Variants in EPS8 observed in about 807,000 individuals in gnomAD.
EPS8 encodes EGFR pathway substrate 8, signaling adaptor.
EPS8 carries 42 observed loss-of-function variants against 103.8 expected under a neutral mutation model. The observed-to-expected ratio is 0.40, with a 90% CI of 0.32 to 0.52. EPS8 has a LOEUF of 0.52. Among genes scored for constraint, EPS8 ranks in the 20% least tolerant of loss-of-function variants. EPS8 has a pLI of 0.40. For synonymous variants in EPS8, 344 were observed against 344.6 expected, an observed-to-expected ratio of 1.00 and a Z score of 0.02; for missense variants, 969 against 1,005.1, an observed-to-expected ratio of 0.96 and a Z score of 0.49.
chr12:15,655,493 T>C (rs912430862), intron 12 of EPS8, among the ~76,000 whole-genome samples: 1 of 152,184 alleles, frequency 6.6e-6, no homozygotes, highest in African/African-American at 2.4e-5. Flanking sequence ...ACAGTGGTAC[T>C]GGAATGAATG....
rs1036740660 is a variant in EPS8, at chr12:15,745,659, G to C, written c.-22+43502C>G. Among the ~76,000 whole-genome samples the C allele has an allele frequency of 6.6e-6, 1 of 151,836 alleles. No homozygotes were observed. Among genetic ancestry groups the C allele is most frequent in the African/African-American group, 2.4e-5 (1 of 41,308 alleles). On this transcript the variant is annotated intron_variant, in intron 1 of 20. Transcript: ENST00000281172. This position sits in a 1 kb window ranked among gnomAD's most constrained non-coding sequence, Gnocchi z 4.6. ...GCTAGCAAAATATAGACCTCCCATT[G>C]TTCACTTTCAAATCCTTGGAAATAC... is the stretch of plus-strand genomic sequence containing the variant.
chr12:15,708,182 C>T (rs1164939746), intron 1 of EPS8, among the ~76,000 whole-genome samples: 5 of 152,176 alleles, frequency 3.3e-5, no homozygotes, highest in Non-Finnish European at 5.9e-5. Context: ...AAATCAGACT[C>T]GATTCAAGAA....
chr12:15,779,052 A>C lies in EPS8; in HGVS notation c.-22+10109T>G, dbSNP rs938882217. ...GAGTGCAATGGCGCCATCTTGGCTCACCACAACCTCCTGCCTCCCGGGTTC... is the reference window on the plus strand; with the variant it reads ...GAGTGCAATGGCGCCATCTTGGCTCCCCACAACCTCCTGCCTCCCGGGTTC... On this transcript the variant is annotated intron_variant, in intron 1 of 20. Transcript: ENST00000281172. This position sits in a 1 kb window ranked among gnomAD's most constrained non-coding sequence, Gnocchi z 4.3. 6.6e-6 allele frequency among the ~76,000 whole-genome samples: 1 copy of C among 152,124 alleles called. No individual in the cohort carries two copies. The highest frequency in any genetic ancestry group is 2.4e-5 in the African/African-American group (1 of 41,428).
Position 15,757,359 on chromosome 12 carries a change from AG to A in EPS8, c.-22+31801del, listed in dbSNP as rs1946996786. Among the ~76,000 whole-genome samples the A allele has an allele frequency of 6.6e-5, 10 of 152,296 alleles. No homozygotes were observed. Among genetic ancestry groups the A allele is most frequent in the African/African-American group, 1.9e-4 (8 of 41,560 alleles). ...TAAGATGAAGAGATGGGCCAGGCAC[AG>A]TGGCTCACACCTGGAATCCCAGAAC... On this transcript the variant is annotated intron_variant, in intron 1 of 20. Transcript: ENST00000281172. This position sits in a 1 kb window ranked among gnomAD's most constrained non-coding sequence, Gnocchi z 4.1.
rs750108600 is a variant in EPS8, at chr12:15,688,660, C to T, written c.-21-5688G>A. On this transcript the variant is annotated intron_variant, in intron 1 of 20. Coordinates refer to ENST00000281172, the MANE Select transcript of EPS8 (RefSeq NM_004447.6). The surrounding 1 kb of genome is among the most constrained non-coding windows in gnomAD (Gnocchi z 5.1). Reference sequence around the variant, plus strand: ...GGAGTTTAGCAGGGGCAGCCGGACTCCAGGGGAAAACCATTCTCCCTTGTG... The same window carrying T: ...GGAGTTTAGCAGGGGCAGCCGGACTTCAGGGGAAAACCATTCTCCCTTGTG... Among the ~76,000 whole-genome samples the T allele has an allele frequency of 6.6e-6, 1 of 152,084 alleles. No individual in the cohort carries two copies. The highest frequency in any genetic ancestry group is 1.5e-5 in the Non-Finnish European group (1 of 68,016).
rs1358832567 is a variant in EPS8, at chr12:15,658,229, G to A, written c.1027-76C>T. 10 of 948,924 alleles carry A rather than the reference G, an allele frequency of 1.1e-5. No homozygotes were observed. The Admixed American group carries it at 1.9e-4, about 18-fold the overall frequency. The allele number at this position is 948,924 out of a possible 1,614,324, so 58.8% of individuals were successfully genotyped here. On this transcript the variant is annotated intron_variant, in intron 11 of 20. Coordinates refer to ENST00000281172, the MANE Select transcript of EPS8 (RefSeq NM_004447.6). ...CTCAGAAAGGTCCAACATAGACACA[G>A]AGGGGACGGTCTTTACCACCAGATT... is the stretch of plus-strand genomic sequence containing the variant.
Position 15,785,891 on chromosome 12 carries a change from T to TTAGA in EPS8, c.-22+3266_-22+3269dup, listed in dbSNP as rs757279422. ...AGCATTGTATTATAACCCAAAATAT[T>TTAGA]TAGATAGATAGATAGATTTTATATT... is the stretch of plus-strand genomic sequence containing the variant. On this transcript the variant is annotated intron_variant, in intron 1 of 20. Transcript: ENST00000281172. The surrounding 1 kb of genome is among the most constrained non-coding windows in gnomAD (Gnocchi z 4.9). 2.0e-5 allele frequency among the ~76,000 whole-genome samples: 3 copies of TTAGA among 151,694 alleles called. No homozygotes were observed. The highest frequency in any genetic ancestry group is 1.3e-4 in the Admixed American group (2 of 15,230).
intron 16 of EPS8, among the ~76,000 whole-genome samples, chr12:15,641,062 A>C (rs1438459974): frequency 6.6e-6 from 1 of 152,130 alleles, no homozygotes; most frequent in Non-Finnish European, 1.5e-5. Flanking sequence ...CCCAAGGTCC[A>C]TTTTACCTCC....
intron 20 of EPS8, among the ~76,000 whole-genome samples, chr12:15,621,736 A>G (rs1843381702): frequency 6.6e-6 from 1 of 152,216 alleles, no homozygotes; most frequent in African/African-American, 2.4e-5. Flanking sequence ...AATGTGTACA[A>G]TAAGCATAAT....
chr12:15,658,557 A>C lies in EPS8; in HGVS notation c.966T>G (p.Pro322=). The C allele has an allele frequency of 6.2e-7, 1 of 1,613,270 alleles. No homozygotes were observed. Among genetic ancestry groups the C allele is most frequent in the Non-Finnish European group, 8.5e-7 (1 of 1,179,330 alleles). ...GEGVLTLRAK[P]PPPDEFLDCF... ...AGTCAAGAAATTCATCAGGAGGTGG[A>C]GGTTTTGCCCGCAGCGTTAAAACAC... is the stretch of plus-strand genomic sequence containing the variant. The change falls in exon 11 of 21, where the codon CCT becomes CCG. Residue 322 remains proline, a synonymous_variant. Transcript: ENST00000281172.
At chr12:15,640,973 G>C in intron 16 of EPS8, 127 bp from the exon 17 acceptor site, 1 of 719,478 alleles carries the variant, frequency 1.4e-6, no homozygotes, top group East Asian at 2.6e-5. Flanking sequence ...ACATAGTGTT[G>C]ATTGAATGAT....
chr12:15,656,425 G>A lies in EPS8; in HGVS notation c.1101+1654C>T, dbSNP rs188966018. Among the ~76,000 whole-genome samples, 41 of 152,208 alleles carry A rather than the reference G, an allele frequency of 2.7e-4. No individual in the cohort carries two copies. In the East Asian group the frequency reaches 5.0e-3, roughly 19 times the overall value. On this transcript the variant is annotated intron_variant, in intron 12 of 20. Coordinates refer to ENST00000281172, the MANE Select transcript of EPS8 (RefSeq NM_004447.6). Reference sequence around the variant, plus strand: ...ATAGGAGCATTCATAAGTTATTGATGTACTCTTGGACTTTCATCTTCTAGT... The same window carrying A: ...ATAGGAGCATTCATAAGTTATTGATATACTCTTGGACTTTCATCTTCTAGT...
chr12:15,739,751 A>G (rs953719194), intron 1 of EPS8, among the ~76,000 whole-genome samples: 6 of 152,030 alleles, frequency 3.9e-5, no homozygotes, highest in Non-Finnish European at 7.4e-5. Flanking sequence ...CAGTTCCCCT[A>G]ATAAGCCCCT....
chr12:15,647,300 A>C (rs963340658), intron 14 of EPS8, 40 bp from the exon 15 acceptor site: 3 of 1,582,854 alleles, frequency 1.9e-6, no homozygotes, highest in Non-Finnish European at 2.6e-6. Flanking sequence ...ATCACCAAAT[A>C]CTATTTGAAT....
intron 1 of EPS8, chr12:15,732,674 A>G: frequency 3.5e-6 from 2 of 566,494 alleles, no homozygotes; most frequent in Non-Finnish European, 2.2e-6. Flanking sequence ...TAAATGACCT[A>G]CTGTTTACTA....
In EPS8 at chr12:15,752,990, T is replaced by C. The variant is rs1946949307; in HGVS notation, c.-22+36171A>G. On this transcript the variant is annotated intron_variant, in intron 1 of 20. Coordinates refer to ENST00000281172, the MANE Select transcript of EPS8 (RefSeq NM_004447.6). The surrounding 1 kb of genome is among the most constrained non-coding windows in gnomAD (Gnocchi z 4.4). Reference sequence around the variant, plus strand: ...TTGTGGGATAACCATCATTTATTTATAGCTCTGTGGCTTAAAGAAATGTGA... The same window carrying C: ...TTGTGGGATAACCATCATTTATTTACAGCTCTGTGGCTTAAAGAAATGTGA... Among the ~76,000 whole-genome samples the C allele has an allele frequency of 1.3e-5, 2 of 151,848 alleles. No homozygotes were observed. The highest frequency in any genetic ancestry group is 1.3e-4 in the Admixed American group (2 of 15,220).
chr12:15,720,024 T>C (rs2135975042), intron 1 of EPS8, among the ~76,000 whole-genome samples: 1 of 152,334 alleles, frequency 6.6e-6, no homozygotes, highest in South Asian at 2.1e-4. Context: ...CAGTAGAATG[T>C]AGTTGTAAAG....
chr12:15,706,745 ACAACTTATC>A lies in EPS8; in HGVS notation c.-21-23782_-21-23774del, dbSNP rs1181845520. Among the ~76,000 whole-genome samples the A allele has an allele frequency of 2.0e-5, 3 of 151,880 alleles. No individual in the cohort carries two copies. In the East Asian group the frequency reaches 5.8e-4, roughly 29 times the overall value. On this transcript the variant is annotated intron_variant, in intron 1 of 20. Transcript: ENST00000281172. This position sits in a 1 kb window ranked among gnomAD's most constrained non-coding sequence, Gnocchi z 5.2. ...TTCTTTATATTTTATGTTTTTTTTT[ACAACTTATC>A]CAAAGATATTCTTCCTTGGGCAAAT...
In EPS8 at chr12:15,787,616, C is replaced by A. The variant is rs1349623428; in HGVS notation, c.-22+1545G>T. Among the ~76,000 whole-genome samples the A allele has an allele frequency of 6.6e-6, 1 of 152,102 alleles. No homozygotes were observed. Among genetic ancestry groups the A allele is most frequent in the Non-Finnish European group, 1.5e-5 (1 of 67,998 alleles). On this transcript the variant is annotated intron_variant, in intron 1 of 20. Coordinates refer to ENST00000281172, the MANE Select transcript of EPS8 (RefSeq NM_004447.6). The surrounding 1 kb of genome is among the most constrained non-coding windows in gnomAD (Gnocchi z 4.9). ...ACCAAGTCTTGTAAACAGCGGTTAT[C>A]TCAGAATAGTAGAATTAAAAGCAAA...
Sources: gnomAD v4.1 joint callset for allele counts (sites outside exome capture counted in the v4.1 genomes callset) on GRCh38, gnomAD v4.1.1 for gene constraint, Gnocchi (gnomAD v3.1) non-coding constraint, MANE v1.5 for transcripts, NCBI Gene and HGNC (gene_info 2026-07-23, HGNC 2026-07-21) for gene names.